The following IQGAP2 variants were observed in gnomAD, a reference collection of about 807,000 sequenced individuals.
IQGAP2 encodes IQ motif containing GTPase activating protein 2, also known as ras GTPase-activating-like protein IQGAP2.
IQGAP2 carries 173 observed loss-of-function variants against 201.3 expected under a neutral mutation model. The observed-to-expected ratio is 0.86, with a 90% CI of 0.76 to 0.98. IQGAP2 has a LOEUF of 0.98. Ranked by LOEUF, IQGAP2 falls within the 50% of genes least tolerant of loss-of-function variation. The pLI is 0.00. For synonymous variants in IQGAP2, 675 were observed against 673.9 expected (o/e 1.00, Z -0.03); for missense variants, 1,687 against 1,864.8 (o/e 0.90, Z 1.76).
At chr5:76,637,481 T>G (rs1751239159) in intron 16 of IQGAP2, among the ~76,000 whole-genome samples, 1 of 152,246 alleles carries the variant, frequency 6.6e-6, no homozygotes, top group Admixed American at 6.5e-5. Context: ...TTAAGCTCAA[T>G]TAATGATAAT....
chr5:76,658,504 A>G lies in IQGAP2; in HGVS notation c.2366A>G (p.Tyr789Cys). 1 of 1,613,918 alleles carries G rather than the reference A, an allele frequency of 6.2e-7. No individual in the cohort carries two copies. Among genetic ancestry groups the G allele is most frequent in the Non-Finnish European group, 8.5e-7 (1 of 1,179,962 alleles). The change falls in exon 21 of 36, where the codon TAC becomes TGC. Residue 789 changes from tyrosine (Y) to cysteine (C), a missense_variant. Transcript: ENST00000274364. Reference protein sequence around the residue: ...PPLTVIRKFVYLLDQSDLDFQ... With the variant: ...PPLTVIRKFVCLLDQSDLDFQ... ...TTAACAGTAATTCGCAAATTTGTAT[A>G]CCTGCTGGACCAAAGTGATTTGGAT... is the stretch of plus-strand genomic sequence containing the variant.
In IQGAP2 at chr5:76,603,432, A is replaced by T. The variant is rs12515868; in HGVS notation, c.1232+2460A>T. Among the ~76,000 whole-genome samples, 255 of 152,330 alleles carry T rather than the reference A, an allele frequency of 1.7e-3. 3 individuals are homozygous for T. The highest frequency in any genetic ancestry group is 0.014 in the Admixed American group (218 of 15,292). ...AGCCTTTTTCCTTCATCTATAAAGCACAAAAACAAAAGAAACAAAAGCCCC... is the reference window on the plus strand; with the variant it reads ...AGCCTTTTTCCTTCATCTATAAAGCTCAAAAACAAAAGAAACAAAAGCCCC... On this transcript the variant is annotated intron_variant, in intron 11 of 35. Transcript: ENST00000274364.
At chr5:76,705,938 T>C (rs751520346) in intron 35 of IQGAP2, among the ~76,000 whole-genome samples, 2 of 152,252 alleles carry the variant, frequency 1.3e-5, no homozygotes, top group Non-Finnish European at 2.9e-5. Context: ...GTGATCCAGT[T>C]ACTTATTTTA....
At chr5:76,594,644 T>C (rs1746886896) in intron 9 of IQGAP2, among the ~76,000 whole-genome samples, 1 of 152,192 alleles carries the variant, frequency 6.6e-6, no homozygotes, top group South Asian at 2.1e-4. Context: ...TTTGATGACA[T>C]GACAATGAGA....
intron 2 of IQGAP2, among the ~76,000 whole-genome samples, chr5:76,561,125 C>T (rs1225203159): frequency 1.3e-5 from 2 of 152,106 alleles, no homozygotes; most frequent in Non-Finnish European, 1.5e-5. Context: ...CTACTCAGAA[C>T]GATATGCAAT....
chr5:76,671,804 A>C lies in IQGAP2; in HGVS notation c.2889A>C (p.Thr963=), dbSNP rs1744349268. The C allele has an allele frequency of 6.2e-7, 1 of 1,614,016 alleles. No individual in the cohort carries two copies. Among genetic ancestry groups the C allele is most frequent in the Non-Finnish European group, 8.5e-7 (1 of 1,180,016 alleles). ...AGGACATAGTTACTGGTAACCCTAC[A>C]GTCATCAAGATGGTCGTCAGCTTCA... ...QVQDIVTGNP[T]VIKMVVSFNR... The change falls in exon 24 of 36, where the codon ACA becomes ACC. Residue 963 remains threonine (T), a synonymous_variant. Coordinates refer to ENST00000274364, the MANE Select transcript of IQGAP2 (RefSeq NM_006633.5).
At chr5:76,464,112 G>T (rs983704630) in intron 2 of IQGAP2, among the ~76,000 whole-genome samples, 1 of 152,150 alleles carries the variant, frequency 6.6e-6, no homozygotes, top group South Asian at 2.1e-4. Context: ...CTCCCAAAGT[G>T]CTGGGATGAC....
intron 2 of IQGAP2, among the ~76,000 whole-genome samples, chr5:76,489,204 C>G (rs955107811): frequency 5.9e-5 from 9 of 152,100 alleles, no homozygotes; most frequent in Non-Finnish European, 1.3e-4. Flanking sequence ...GGAGAGCCTG[C>G]CTGGTGGGAG....
chr5:76,475,105 C>T (rs988599120), intron 2 of IQGAP2, among the ~76,000 whole-genome samples: 1 of 152,100 alleles, frequency 6.6e-6, no homozygotes, highest in Non-Finnish European at 1.5e-5. Flanking sequence ...AGCTCTCAGC[C>T]TTCCCACCCC....
At chr5:76,566,945 G>A (rs1242642766) in intron 3 of IQGAP2, among the ~76,000 whole-genome samples, 1 of 151,960 alleles carries the variant, frequency 6.6e-6, no homozygotes, top group Non-Finnish European at 1.5e-5. Flanking sequence ...AAGCAGACTG[G>A]GGCAGGCAGG....
chr5:76,529,521 A>C (rs970161296), intron 2 of IQGAP2, among the ~76,000 whole-genome samples: 22 of 151,986 alleles, frequency 1.4e-4, no homozygotes, highest in African/African-American at 5.1e-4. Context: ...CCAGCTAGTC[A>C]AGAGGCTGAG....
chr5:76,479,396 C>A (rs780839687), intron 2 of IQGAP2, among the ~76,000 whole-genome samples: 1 of 152,046 alleles, frequency 6.6e-6, no homozygotes, highest in Non-Finnish European at 1.5e-5. Context: ...TGTTGGATAG[C>A]CTTTGAATGA....
chr5:76,668,846 T>G lies in IQGAP2; in HGVS notation c.2843+2T>G. The G allele has an allele frequency of 6.4e-7, 1 of 1,569,038 alleles. No homozygotes were observed. The highest frequency in any genetic ancestry group is 8.7e-7 in the Non-Finnish European group (1 of 1,151,556). ...AACTGCTCTGGAGGAAGAAATAAAG[T>G]ATGTATACAAATATGTATGTAAAAA... On this transcript the variant is annotated splice_donor_variant, in intron 23 of 35. Coordinates refer to ENST00000274364, the MANE Select transcript of IQGAP2 (RefSeq NM_006633.5). LOFTEE classifies it high-confidence loss of function.
intron 1 of IQGAP2, among the ~76,000 whole-genome samples, chr5:76,410,682 C>T (rs1186195883): frequency 6.6e-6 from 1 of 152,170 alleles, no homozygotes; most frequent in Non-Finnish European, 1.5e-5. Context: ...CAACTGAATT[C>T]TCTAGGGGGT....
rs1433865761 is a variant in IQGAP2 at position 76,403,440 on chromosome 5, G to T, written c.-106G>T. ...CTTCGGGCGGCTAGGGGAAATCGGC[G>T]AGAGGCGGGATCCGAGCGCGCCGGC... On this transcript the variant is annotated 5_prime_UTR_variant, in exon 1 of 36. Transcript: ENST00000274364. The surrounding 1 kb of genome is among the most constrained non-coding windows in gnomAD (Gnocchi z 4.8). 3 of 830,924 alleles carry T rather than the reference G, an allele frequency of 3.6e-6. No individual in the cohort carries two copies. Among genetic ancestry groups the T allele is most frequent in the South Asian group, 3.1e-5 (1 of 32,288 alleles). 51.5% of individuals were successfully genotyped at this position (830,924 alleles called of 1,614,324 possible).
At chr5:76,526,726 C>A (rs1284111353) in intron 2 of IQGAP2, among the ~76,000 whole-genome samples, 1 of 152,120 alleles carries the variant, frequency 6.6e-6, no homozygotes. Flanking sequence ...GGGGCGGGAC[C>A]ACTGCCTTCT....
rs557198331 is a variant in IQGAP2, at chr5:76,634,113, G to T, written c.1780+2087G>T. ...TCTAATCATTTTTAGTAAATTTCTT[G>T]TGCTGCCATCCGCCTTAATAAATAA... On this transcript the variant is annotated intron_variant, in intron 15 of 35. Coordinates refer to ENST00000274364, the MANE Select transcript of IQGAP2 (RefSeq NM_006633.5). Among the ~76,000 whole-genome samples, 7 of 151,852 alleles carry T rather than the reference G, an allele frequency of 4.6e-5. No individual in the cohort carries two copies. In the East Asian group the frequency reaches 7.7e-4, roughly 17 times the overall value.
intron 2 of IQGAP2, chr5:76,510,541 C>T: frequency 2.3e-6 from 1 of 427,750 alleles, no homozygotes; most frequent in Non-Finnish European, 4.7e-6. Context: ...CTGTGCTGGA[C>T]CCCGCCAAGG....
At chr5:76,606,716 T>C (rs1214536008) in intron 12 of IQGAP2, 1 of 152,564 alleles carries the variant, frequency 6.6e-6, no homozygotes, top group Non-Finnish European at 1.5e-5. Context: ...ACGATCTAAC[T>C]GTTGCTTAAT....
Sources: gnomAD v4.1 joint callset for allele counts (sites outside exome capture counted in the v4.1 genomes callset) on GRCh38, gnomAD v4.1.1 for gene constraint, Gnocchi (gnomAD v3.1) non-coding constraint, MANE v1.5 for transcripts, NCBI Gene and HGNC (gene_info 2026-07-23, HGNC 2026-07-21) for gene names.